Variants in CKAP5 observed in about 807,000 individuals in gnomAD.
CKAP5 encodes the protein cytoskeleton associated protein 5, also known as cytoskeleton-associated protein 5.
A neutral mutation model predicts 232.8 loss-of-function variants in CKAP5; 27 were observed. The ratio of observed to expected loss-of-function variants is 0.12; its 90% CI spans 0.09 to 0.16. The LOEUF (loss-of-function observed/expected upper bound fraction) is 0.16, where lower values mean the gene tolerates loss of function less well. Among genes scored for constraint, CKAP5 ranks in the 10% least tolerant of loss-of-function variants. The pLI is 1.00. For synonymous variants in CKAP5, 785 were observed against 841.1 expected (o/e 0.93, Z 1.16); for missense variants, 1,838 against 2,424.7 (o/e 0.76, Z 5.08).
At chr11:46,808,232 C>A in intron 7 of CKAP5, 88 bp from the exon 8 acceptor site, 1 of 906,598 alleles carries the variant, frequency 1.1e-6, no homozygotes, top group East Asian at 2.5e-5. Flanking sequence ...TTCAAAGATA[C>A]ATAATTTTTT....
chr11:46,780,760 G>A (rs1196592212), intron 18 of CKAP5, among the ~76,000 whole-genome samples: 1 of 152,134 alleles, frequency 6.6e-6, no homozygotes, highest in Non-Finnish European at 1.5e-5. Flanking sequence ...GATTACAGGT[G>A]TGTAACACCA....
intron 1 of CKAP5, among the ~76,000 whole-genome samples, chr11:46,835,074 C>A (rs1939884914): frequency 1.3e-5 from 2 of 151,816 alleles, no homozygotes; most frequent in Non-Finnish European, 2.9e-5. Context: ...GCTAACACTT[C>A]TAGTTATCTT....
rs1449819784 is a variant in CKAP5 at position 46,821,234 on chromosome 11, T to C, written c.-3A>G. 3 of 1,610,942 alleles carry C rather than the reference T, an allele frequency of 1.9e-6. No homozygotes were observed. The highest frequency in any genetic ancestry group is 2.7e-5 in the African/African-American group (2 of 74,890). On this transcript the variant is annotated 5_prime_UTR_variant, in exon 2 of 44. Coordinates refer to ENST00000529230, the MANE Select transcript of CKAP5 (RefSeq NM_001008938.4). ...AACCACTCACTGTCATCTCCCATTG[T>C]GCTTCCAGGTTTTCCTTAGAATTAA...
In CKAP5 at chr11:46,809,847, T is replaced by G. The variant is rs1481483271; in HGVS notation, c.658A>C (p.Lys220Gln). The G allele has an allele frequency of 6.2e-7, 1 of 1,611,050 alleles. No individual in the cohort carries two copies. Among genetic ancestry groups the G allele is most frequent in the South Asian group, 1.1e-5 (1 of 89,558 alleles). ...QLKELEEEWV[K>Q]LPTSAPRPTR... ...GGTCTAGGAGCACTTGTTGGCAGTTTGACCCATTCTTCTTCTAGTTCTTTC... is the reference window on the plus strand; with the variant it reads ...GGTCTAGGAGCACTTGTTGGCAGTTGGACCCATTCTTCTTCTAGTTCTTTC... The change falls in exon 6 of 44, where the codon AAA becomes CAA. Residue 220 changes from lysine to glutamine, a missense_variant. Physicochemically the swap from Lys to Gln is moderately conservative, Grantham distance 53. Coordinates refer to ENST00000529230, the MANE Select transcript of CKAP5 (RefSeq NM_001008938.4).
intron 9 of CKAP5, among the ~76,000 whole-genome samples, chr11:46,799,631 A>C (rs2134654063): frequency 6.6e-6 from 1 of 152,336 alleles, no homozygotes; most frequent in Admixed American, 6.5e-5. Flanking sequence ...CCAGGACAAC[A>C]AACTGAAACA....
intron 8 of CKAP5, among the ~76,000 whole-genome samples, chr11:46,807,210 G>A (rs182040298): frequency 2.0e-5 from 3 of 152,306 alleles, no homozygotes; most frequent in Non-Finnish European, 4.4e-5. Context: ...GAAATGTTGT[G>A]ACCAAAGGGT....
At position 46,816,144 on chromosome 11, in the gene CKAP5, C is replaced by G. The variant is rs1244578873; in HGVS notation, c.458+54G>C. 2.8e-6 allele frequency: 4 copies of G among 1,442,714 alleles called. No individual in the cohort carries two copies. In the African/African-American group the frequency reaches 5.6e-5, roughly 20 times the overall value. 89.4% of individuals were successfully genotyped at this position (1,442,714 alleles called of 1,614,324 possible). A position where few individuals can be genotyped will look rare whatever the true frequency, so the allele number is the denominator to read the frequency against. ...TCTTCCATGAAACTGGTCCCTGGTG[C>G]CAAAAAGGTTGGGGACTGCTGCTCT... is the stretch of plus-strand genomic sequence containing the variant. On this transcript the variant is annotated intron_variant, in intron 4 of 43. Coordinates refer to ENST00000529230, the MANE Select transcript of CKAP5 (RefSeq NM_001008938.4).
At chr11:46,810,634 A>C (rs1007705828) in intron 5 of CKAP5, among the ~76,000 whole-genome samples, 1 of 152,180 alleles carries the variant, frequency 6.6e-6, no homozygotes, top group Non-Finnish European at 1.5e-5. Flanking sequence ...ATTAAATTTT[A>C]TTTCTTTTAC....
chr11:46,810,771 C>T (rs1939256871), intron 5 of CKAP5, among the ~76,000 whole-genome samples: 1 of 152,170 alleles, frequency 6.6e-6, no homozygotes, highest in Admixed American at 6.5e-5. Flanking sequence ...TTTACATCAT[C>T]AGAAGAGTCT....
At chr11:46,756,611 C>T (rs1241456167) in intron 35 of CKAP5, among the ~76,000 whole-genome samples, 1 of 152,182 alleles carries the variant, frequency 6.6e-6, no homozygotes, top group Non-Finnish European at 1.5e-5. Context: ...AGACCCCATT[C>T]CATTTTCTCT....
intron 36 of CKAP5, 96 bp from the exon 37 acceptor site, chr11:46,753,593 T>C (rs182784623): frequency 2.0e-6 from 2 of 992,540 alleles, no homozygotes; most frequent in East Asian, 2.7e-5. Context: ...AATTATGTTG[T>C]ATTTTTTTTT....
chr11:46,834,973 T>C (rs1427282738), intron 1 of CKAP5, among the ~76,000 whole-genome samples: 1 of 75,910 alleles, frequency 1.3e-5, no homozygotes, highest in African/African-American at 6.1e-5. Context: ...CCCAGCTAAT[T>C]TTTTTTTTTT....
At chr11:46,812,621 AT>A (rs1032315387) in intron 4 of CKAP5, among the ~76,000 whole-genome samples, 5 of 151,256 alleles carry the variant, frequency 3.3e-5, no homozygotes, top group East Asian at 1.9e-4. Context: ...TACTCCAACG[AT>A]TTTTTTTTCT....
intron 8 of CKAP5, among the ~76,000 whole-genome samples, chr11:46,806,250 G>C (rs1481165875): frequency 6.6e-6 from 1 of 152,114 alleles, no homozygotes; most frequent in African/African-American, 2.4e-5. Flanking sequence ...CATTCACAAT[G>C]CCAATGGAAA....
chr11:46,748,027 G>A (rs1411624048), intron 42 of CKAP5, among the ~76,000 whole-genome samples: 2 of 152,160 alleles, frequency 1.3e-5, no homozygotes, highest in Non-Finnish European at 2.9e-5. Context: ...CTGAGTGAGA[G>A]AGCGAGACCC....
intron 31 of CKAP5, 80 bp downstream of exon 31, chr11:46,762,543 AATTT>A: frequency 6.5e-7 from 1 of 1,530,268 alleles, no homozygotes; most frequent in Non-Finnish European, 9.0e-7. Context: ...GCACTGGAGA[AATTT>A]ATTTGTTCAT....
intron 5 of CKAP5, 77 bp from the exon 6 acceptor site, chr11:46,809,951 G>T: frequency 7.4e-7 from 1 of 1,348,266 alleles, no homozygotes; most frequent in Non-Finnish European, 1.0e-6. Context: ...TACATTTATT[G>T]ACATATCAGG....
At chr11:46,840,756 G>C (rs531169628) in intron 1 of CKAP5, among the ~76,000 whole-genome samples, 2 of 152,214 alleles carry the variant, frequency 1.3e-5, no homozygotes, top group African/African-American at 4.8e-5. Context: ...TAAACTGGCT[G>C]GAAAATGTGT....
intron 13 of CKAP5, among the ~76,000 whole-genome samples, chr11:46,792,299 T>C (rs1301704413): frequency 6.6e-6 from 1 of 152,168 alleles, no homozygotes; most frequent in Non-Finnish European, 1.5e-5. Context: ...ATGCCTGTAA[T>C]TCCAGCACTT....
Sources: allele counts gnomAD v4.1 joint callset (sites outside exome capture counted in the v4.1 genomes callset), GRCh38; gene constraint gnomAD v4.1.1; transcripts MANE v1.5; gene names NCBI Gene and HGNC (gene_info 2026-07-23, HGNC 2026-07-21).